ABCA8: variants seen among roughly 807,000 people sequenced by gnomAD.
ABCA8 encodes ATP binding cassette subfamily A member 8.
In ABCA8, 177 loss-of-function variants were observed where a neutral mutation model predicts 192.3. The observed-to-expected ratio is 0.92, with a 90% CI of 0.81 to 1.04. The LOEUF (loss-of-function observed/expected upper bound fraction) is 1.04, where lower values mean the gene tolerates loss of function less well. ABCA8 is among the 50% of genes least tolerant of loss of function. The pLI is 0.00. For missense variants in ABCA8, 1,915 were observed against 1,904.8 expected, an observed-to-expected ratio of 1.01 and a Z score of -0.10; for synonymous variants, 642 against 690.2, an observed-to-expected ratio of 0.93 and a Z score of 1.09.
intron 15 of ABCA8, 65 bp from the exon 16 acceptor site, chr17:68,918,250 CA>C: frequency 6.3e-7 from 1 of 1,588,006 alleles, no homozygotes; most frequent in Non-Finnish European, 8.6e-7. Flanking sequence ...GAAAACAACG[CA>C]AAAACCATAT....
intron 31 of ABCA8, 142 bp from the exon 32 acceptor site, chr17:68,881,353 T>C: frequency 3.1e-6 from 2 of 643,450 alleles, no homozygotes; most frequent in Non-Finnish European, 5.4e-6. Context: ...GTTGTTATTT[T>C]AGCCCCTTCT....
At chr17:68,950,952 C>T (rs971401260) in intron 1 of ABCA8, among the ~76,000 whole-genome samples, 1 of 152,094 alleles carries the variant, frequency 6.6e-6, no homozygotes, top group African/African-American at 2.4e-5. Flanking sequence ...CCTCCCGAGA[C>T]CTTGAGTGTA....
At chr17:68,909,385 A>C (rs148898226) in intron 17 of ABCA8, among the ~76,000 whole-genome samples, 165 of 152,306 alleles carry the variant, frequency 1.1e-3, no homozygotes, top group African/African-American at 3.8e-3. Context: ...CTGTATTTAC[A>C]GAAAGAGGAA....
intron 17 of ABCA8, among the ~76,000 whole-genome samples, chr17:68,914,505 G>A (rs1410749471): frequency 6.6e-6 from 1 of 151,960 alleles, no homozygotes; most frequent in East Asian, 1.9e-4. Flanking sequence ...CTAACAGCAA[G>A]CAAGCTGAAA....
intron 1 of ABCA8, among the ~76,000 whole-genome samples, chr17:68,949,775 G>C (rs966286806): frequency 2.6e-5 from 4 of 152,046 alleles, no homozygotes; most frequent in Non-Finnish European, 4.4e-5. Context: ...AATAAACTAG[G>C]CATTGATGGA....
chr17:68,917,534 T>TA, intron 16 of ABCA8, 83 bp from the exon 17 acceptor site: 1 of 940,184 alleles, frequency 1.1e-6, no homozygotes, highest in South Asian at 1.6e-5. Flanking sequence ...ATCATCTATA[T>TA]AATCAAACTT....
rs970694003 is a variant in ABCA8, at chr17:68,950,092, A to G, written c.-166-620T>C. On this transcript the variant is annotated intron_variant, in intron 1 of 39. Transcript: ENST00000586539. ...CTTAAGCTGGTAGGCAACTTCAGCA[A>G]AGTCTCAGGATACAAAATCAATGTG... Among the ~76,000 whole-genome samples, 11 of 152,214 alleles carry G rather than the reference A, an allele frequency of 7.2e-5. No individual in the cohort carries two copies. In the East Asian group the frequency reaches 2.1e-3, roughly 29 times the overall value.
At chr17:68,935,852 T>G (rs1300226177) in intron 5 of ABCA8, among the ~76,000 whole-genome samples, 1 of 152,120 alleles carries the variant, frequency 6.6e-6, no homozygotes, top group African/African-American at 2.4e-5. Flanking sequence ...TTTGCAAACA[T>G]CTGATTTTTT....
intron 10 of ABCA8, among the ~76,000 whole-genome samples, chr17:68,925,690 G>A (rs774695381): frequency 1.2e-4 from 18 of 152,110 alleles, no homozygotes; most frequent in Non-Finnish European, 2.4e-4. Flanking sequence ...CTGTATACCT[G>A]CCACATGGTA....
At position 68,882,556 on chromosome 17, in the gene ABCA8, C is replaced by T. The variant is rs902040663; in HGVS notation, c.3828+43G>A. On this transcript the variant is annotated intron_variant, in intron 30 of 39. Coordinates refer to ENST00000586539, the MANE Select transcript of ABCA8 (RefSeq NM_001288985.2). ...AACTCAAAATCATTAGAGAATTAGA[C>T]TGGTAGACTGACTAATAAAAAAACC... 5 of 1,561,366 alleles carry T rather than the reference C, an allele frequency of 3.2e-6. No homozygotes were observed. In the African/African-American group the frequency reaches 6.8e-5, roughly 21 times the overall value.
intron 2 of ABCA8, among the ~76,000 whole-genome samples, chr17:68,945,523 C>T (rs1355997034): frequency 6.6e-6 from 1 of 152,072 alleles, no homozygotes; most frequent in African/African-American, 2.4e-5. Context: ...AAGCACTTTC[C>T]TTTTCAGAAG....
Position 68,922,194 on chromosome 17 carries a change from C to CTTTTTTTTTTTTTTT in ABCA8, c.1501+33_1501+47dup, listed in dbSNP as rs201226205. ...TAACAAATATTTTCTTTCTCTCTCT[C>CTTTTTTTTTTTTTTT]TTTTTTTTTTTTTTTTTTTTTTTTT... On this transcript the variant is annotated intron_variant, in intron 12 of 39. Coordinates refer to ENST00000586539, the MANE Select transcript of ABCA8 (RefSeq NM_001288985.2). 1.2e-4 allele frequency: 61 copies of CTTTTTTTTTTTTTTT among 527,418 alleles called. 1 individual carries two copies. The highest frequency in any genetic ancestry group is 1.6e-4 in the African/African-American group (5 of 30,912). 32.7% of individuals were successfully genotyped at this position (527,418 alleles called of 1,614,324 possible).
At chr17:68,902,900 A>C in intron 20 of ABCA8, 21 bp from the exon 21 acceptor site, 1 of 1,597,978 alleles carries the variant, frequency 6.3e-7, no homozygotes. Context: ...GAAAATTGCC[A>C]AAATGAATGC....
At chr17:68,947,802 G>A (rs1432857013) in intron 2 of ABCA8, among the ~76,000 whole-genome samples, 1 of 152,050 alleles carries the variant, frequency 6.6e-6, no homozygotes, top group African/African-American at 2.4e-5. Context: ...AGGTATACAT[G>A]TAACCATGGT....
chr17:68,936,067 A>G (rs2068057482), intron 5 of ABCA8, among the ~76,000 whole-genome samples: 2 of 152,138 alleles, frequency 1.3e-5, no homozygotes, highest in Non-Finnish European at 2.9e-5. Context: ...TTGCTTGTTG[A>G]GTTCTTTGAG....
At chr17:68,896,020 A>G (rs905843257) in intron 21 of ABCA8, among the ~76,000 whole-genome samples, 1 of 152,164 alleles carries the variant, frequency 6.6e-6, no homozygotes, top group Non-Finnish European at 1.5e-5. Flanking sequence ...ACACCAAGAG[A>G]ATCAGGCACG....
intron 26 of ABCA8, 100 bp downstream of exon 26, chr17:68,886,917 G>A (rs2066475121): frequency 1.6e-6 from 1 of 618,582 alleles, no homozygotes; most frequent in Non-Finnish European, 2.6e-6. Flanking sequence ...GTTTATTATA[G>A]ACCATAATAT....
intron 24 of ABCA8, among the ~76,000 whole-genome samples, chr17:68,888,220 T>C (rs945467580): frequency 1.3e-5 from 2 of 151,716 alleles, no homozygotes; most frequent in Non-Finnish European, 2.9e-5. Context: ...TACATAAATA[T>C]AAATACATTT....
chr17:68,907,425 T>C (rs765610033), intron 18 of ABCA8, among the ~76,000 whole-genome samples: 2 of 151,848 alleles, frequency 1.3e-5, no homozygotes, highest in Non-Finnish European at 2.9e-5. Flanking sequence ...TTTAATGTAG[T>C]GCATAAGCCA....
Sources: allele counts gnomAD v4.1 joint callset (sites outside exome capture counted in the v4.1 genomes callset), GRCh38; gene constraint gnomAD v4.1.1; transcripts MANE v1.5; gene names NCBI Gene and HGNC (gene_info 2026-07-23, HGNC 2026-07-21).